SOX6: variants seen among roughly 807,000 people sequenced by gnomAD.
SOX6 encodes the protein transcription factor SOX-6.
In SOX6, 11 loss-of-function variants were observed where a neutral mutation model predicts 97.8. That is an observed-to-expected ratio of 0.11 (90% CI 0.07 to 0.19). SOX6 has a LOEUF of 0.19. Among genes scored for constraint, SOX6 ranks in the 10% least tolerant of loss-of-function variants. The pLI is 1.00. For missense variants in SOX6, 810 were observed against 1,039.5 expected (o/e 0.78, Z 3.04); for synonymous variants, 360 against 371.4 (o/e 0.97, Z 0.35).
At chr11:16,040,684 T>C (rs1269413437) in intron 12 of SOX6, among the ~76,000 whole-genome samples, 1 of 152,190 alleles carries the variant, frequency 6.6e-6, no homozygotes, top group East Asian at 1.9e-4. Context: ...TGTCTTGTTT[T>C]AGATTTTAAG....
Position 16,627,913 on chromosome 11 carries a change from G to C in SOX6, n.430-15653C>G, listed in dbSNP as rs1000412309. The stretch of plus-strand genomic sequence containing the variant: ...TGGTGTTTCCTAGGTTTTCTTCTAG[G>C]TTTCTTGTACTTTAGGGTCTTATAT... On this transcript the variant is annotated intron_variant and non_coding_transcript_variant, in intron 3 of 5. Coordinates refer to the SOX6 transcript ENST00000524520. 5.3e-5 allele frequency among the ~76,000 whole-genome samples: 8 copies of C among 152,066 alleles called. No individual in the cohort carries two copies. The South Asian group carries it at 8.3e-4, about 16-fold the overall frequency.
intron 1 of SOX6, among the ~76,000 whole-genome samples, chr11:16,379,801 TGCA>T (rs1478306333): frequency 5.0e-4 from 76 of 152,232 alleles, no homozygotes; most frequent in African/African-American, 1.8e-3. Flanking sequence ...ATGAGTTTAC[TGCA>T]ATATTGTTAA....
At chr11:16,153,584 A>G (rs1448812008) in intron 6 of SOX6, among the ~76,000 whole-genome samples, 1 of 152,170 alleles carries the variant, frequency 6.6e-6, no homozygotes, top group East Asian at 1.9e-4. Flanking sequence ...GCAACTGAAC[A>G]CATAAGACTG....
intron 2 of SOX6, among the ~76,000 whole-genome samples, chr11:16,340,027 T>A (rs574035645): frequency 1.3e-5 from 2 of 152,106 alleles, no homozygotes; most frequent in Non-Finnish European, 1.5e-5. Flanking sequence ...GAGCATTGAC[T>A]GTGTCTGCAA....
In SOX6 at chr11:16,610,237, G is replaced by A. The variant is rs1254405009; in HGVS notation, n.609+1844C>T. On this transcript the variant is annotated intron_variant and non_coding_transcript_variant, in intron 4 of 5. Transcript: ENST00000524520. The surrounding 1 kb of genome is among the most constrained non-coding windows in gnomAD (Gnocchi z 4.4). ...ATTGAAGGACCTGTCCTAAATGCCT[G>A]CAGAGAGGAGACAGGTGTAGATTAA... 6.6e-6 allele frequency among the ~76,000 whole-genome samples: 1 copy of A among 152,224 alleles called. No individual in the cohort carries two copies. The highest frequency in any genetic ancestry group is 1.9e-4 in the East Asian group (1 of 5,204).
Position 16,414,146 on chromosome 11 carries a change from T to A in SOX6, c.-5+62169A>T, listed in dbSNP as rs946690118. On this transcript the variant is annotated intron_variant, in intron 1 of 15. Coordinates refer to the SOX6 transcript ENST00000396356. ...TGTCATAGTCCCCACTCCTCCAAAA[T>A]CATAACTGGCAGTGGGAGAGAAGAA... Among the ~76,000 whole-genome samples, 10 of 152,270 alleles carry A rather than the reference T, an allele frequency of 6.6e-5. 1 individual carries two copies. The South Asian group carries it at 2.1e-3, about 32-fold the overall frequency.
At chr11:16,246,201 G>A (rs1183866042) in intron 3 of SOX6, among the ~76,000 whole-genome samples, 1 of 151,158 alleles carries the variant, frequency 6.6e-6, no homozygotes, top group Non-Finnish European at 1.5e-5. Flanking sequence ...TTGTATTATT[G>A]CTGTCATAGG....
At chr11:16,127,125 C>T (rs184754177) in intron 6 of SOX6, among the ~76,000 whole-genome samples, 106 of 151,960 alleles carry the variant, frequency 7.0e-4, no homozygotes, top group Middle Eastern at 6.8e-3. Context: ...AGCTTTGTAA[C>T]TCAAAGAATA....
chr11:16,240,726 C>T (rs769931545), intron 3 of SOX6, among the ~76,000 whole-genome samples: 13 of 151,978 alleles, frequency 8.6e-5, no homozygotes, highest in Non-Finnish European at 1.5e-4. Context: ...ATTCAGAAAC[C>T]TATGGCCTGC....
chr11:16,001,458 T>C (rs1263430262), intron 13 of SOX6, among the ~76,000 whole-genome samples: 2 of 152,140 alleles, frequency 1.3e-5, no homozygotes, highest in Admixed American at 6.5e-5. Context: ...TTGCTGGTAA[T>C]ATGAAGCAGA....
chr11:16,202,716 G>T (rs922315867), intron 4 of SOX6, among the ~76,000 whole-genome samples: 4 of 152,068 alleles, frequency 2.6e-5, no homozygotes, highest in African/African-American at 9.7e-5. Flanking sequence ...TACCTAGTCA[G>T]TTCTAACTAG....
intron 6 of SOX6, among the ~76,000 whole-genome samples, chr11:16,132,398 G>GAAAGA (rs1849805448): frequency 3.1e-4 from 15 of 48,166 alleles, no homozygotes; most frequent in African/African-American, 1.3e-3. Context: ...AAGAAAGAAA[G>GAAAGA]AAAAAAGAAA....
At chr11:16,543,973 T>C (rs1490189356) in intron 4 of SOX6, among the ~76,000 whole-genome samples, 3 of 152,182 alleles carry the variant, frequency 2.0e-5, no homozygotes, top group Admixed American at 2.0e-4. Context: ...GGTAGAAGGA[T>C]GTCTGTTGAC....
rs536343764 is a variant in SOX6 at position 16,510,737 on chromosome 11, A to G, written n.610-34349T>C. ...AGGTAGGTTATGCTGAGCTTACTAC[A>G]TTGTCATAATTGTTGTTATATGTAC... On this transcript the variant is annotated intron_variant and non_coding_transcript_variant, in intron 4 of 5. Coordinates refer to the SOX6 transcript ENST00000524520. Among the ~76,000 whole-genome samples the G allele has an allele frequency of 1.1e-4, 17 of 152,196 alleles. 1 individual carries two copies. In the South Asian group the frequency reaches 3.5e-3, roughly 32 times the overall value.
chr11:16,350,819 T>C (rs1424524161), intron 1 of SOX6, among the ~76,000 whole-genome samples: 1 of 152,142 alleles, frequency 6.6e-6, no homozygotes, highest in African/African-American at 2.4e-5. Flanking sequence ...TCTGTCTTGT[T>C]CATTGCTGGA....
intron 4 of SOX6, among the ~76,000 whole-genome samples, chr11:16,195,751 G>A (rs996794525): frequency 1.3e-5 from 2 of 152,090 alleles, no homozygotes; most frequent in Admixed American, 6.6e-5. Flanking sequence ...TGCAGACTCC[G>A]ACATTCTCTG....
At chr11:16,522,748 G>C (rs552109875) in intron 4 of SOX6, among the ~76,000 whole-genome samples, 2 of 152,236 alleles carry the variant, frequency 1.3e-5, no homozygotes, top group Admixed American at 1.3e-4. Context: ...CCCACGTGCG[G>C]AGACACACAT....
chr11:16,581,570 C>T (rs1439987449), intron 4 of SOX6, among the ~76,000 whole-genome samples: 1 of 152,006 alleles, frequency 6.6e-6, no homozygotes, highest in African/African-American at 2.4e-5. Context: ...GTGTAACAAA[C>T]CTGAAGGTTC....
chr11:16,672,159 AG>A (rs1221770338), intron 3 of SOX6, among the ~76,000 whole-genome samples: 1 of 152,356 alleles, frequency 6.6e-6, no homozygotes, highest in Non-Finnish European at 1.5e-5. Flanking sequence ...CACTAAATAT[AG>A]AAAGGAAAGA....
Sources: allele counts gnomAD v4.1 joint callset (sites outside exome capture counted in the v4.1 genomes callset), GRCh38; gene constraint gnomAD v4.1.1; non-coding constraint Gnocchi (gnomAD v3.1); transcripts MANE v1.5; gene names NCBI Gene and HGNC (gene_info 2026-07-23, HGNC 2026-07-21).